The following MAP3K5 variants were observed in gnomAD, a reference collection of about 807,000 sequenced individuals.
The protein encoded by MAP3K5 is ASK-1.
In MAP3K5, 56 loss-of-function variants were observed where a neutral mutation model predicts 158.7. That is an observed-to-expected ratio of 0.35 (90% CI 0.28 to 0.44). The LOEUF (loss-of-function observed/expected upper bound fraction) is 0.44. Ranked by LOEUF, MAP3K5 falls within the 20% of genes least tolerant of loss-of-function variation. MAP3K5 has a pLI of 1.00. For synonymous variants in MAP3K5, 579 were observed against 601.7 expected, an observed-to-expected ratio of 0.96 and a Z score of 0.55; for missense variants, 1,294 against 1,674.8, an observed-to-expected ratio of 0.77 and a Z score of 3.97.
At chr6:136,719,021 G>C (rs1001122150) in intron 2 of MAP3K5, among the ~76,000 whole-genome samples, 1 of 151,896 alleles carries the variant, frequency 6.6e-6, no homozygotes, top group African/African-American at 2.4e-5. Flanking sequence ...ACAAAAAAGA[G>C]AAAAATTAGC....
chr6:136,671,903 G>C (rs1779500681), intron 7 of MAP3K5, among the ~76,000 whole-genome samples: 1 of 151,900 alleles, frequency 6.6e-6, no homozygotes, highest in East Asian at 1.9e-4. Context: ...TGGGATTACA[G>C]GTGTAAGCCA....
intron 1 of MAP3K5, among the ~76,000 whole-genome samples, chr6:136,768,485 C>T (rs985390364): frequency 8.5e-5 from 13 of 152,272 alleles, no homozygotes; most frequent in African/African-American, 3.1e-4. Flanking sequence ...AAATCAAAAC[C>T]ACAGTAAGGT....
Position 136,601,942 on chromosome 6 carries a change from G to C in MAP3K5, c.2717C>G (p.Ser906Cys). Residue 906 changes from serine (S) to cysteine (C), a missense_variant, in exon 20 of 30, where the codon TCC becomes TGC. Around this residue, in one of 5 missense-constraint regions of MAP3K5, gnomAD observed 362 missense variants for 463.2 expected, o/e 0.78. Coordinates refer to ENST00000359015, the MANE Select transcript of MAP3K5 (RefSeq NM_005923.4). ...GAATGCCTTGGCCTCTGCAGACATG[G>C]ACTCTGGGATCTCAGGGTGGACTTT... Reference protein sequence around the residue: ...MFKVHPEIPESMSAEAKAFIL... With the variant: ...MFKVHPEIPECMSAEAKAFIL... 1 of 1,614,122 alleles carries C rather than the reference G, an allele frequency of 6.2e-7. No homozygotes were observed. Among genetic ancestry groups the C allele is most frequent in the Non-Finnish European group, 8.5e-7 (1 of 1,180,008 alleles).
At chr6:136,586,666 C>A (rs971623245) in intron 23 of MAP3K5, among the ~76,000 whole-genome samples, 1 of 152,042 alleles carries the variant, frequency 6.6e-6, no homozygotes, top group African/African-American at 2.4e-5. Flanking sequence ...TTGATTGGAT[C>A]GAAGGATACA....
intron 1 of MAP3K5, among the ~76,000 whole-genome samples, chr6:136,785,987 T>C (rs1300362543): frequency 6.6e-6 from 1 of 152,194 alleles, no homozygotes; most frequent in African/African-American, 2.4e-5. Context: ...GCAAGAACCT[T>C]CAAACATTTA....
At chr6:136,749,295 C>T (rs1452140989) in intron 1 of MAP3K5, among the ~76,000 whole-genome samples, 2 of 151,708 alleles carry the variant, frequency 1.3e-5, no homozygotes, top group Non-Finnish European at 2.9e-5. Context: ...ATCGCTTGAA[C>T]CTGAGAGGCA....
chr6:136,592,804 G>A (rs950079376), intron 21 of MAP3K5, 190 bp from the exon 22 acceptor site: 6 of 667,262 alleles, frequency 9.0e-6, no homozygotes, highest in Admixed American at 6.0e-5. Context: ...ATACAGCAGG[G>A]TAGCCAGGAA....
chr6:136,567,766 C>G lies in MAP3K5; in HGVS notation c.3626G>C (p.Arg1209Thr). Residue 1209 changes from arginine to threonine, a missense_variant, in exon 26 of 30, where the codon AGA (arginine) becomes ACA (threonine). Arg to Thr is a moderately conservative substitution (Grantham distance 71). Around this residue, in one of 5 missense-constraint regions of MAP3K5, gnomAD observed 199 missense variants for 220.3 expected, o/e 0.90. Coordinates refer to ENST00000359015, the MANE Select transcript of MAP3K5 (RefSeq NM_005923.4). ...AGCATCTTCAATGACAGCCTGAGGTCTTCGGACAGTTTGATTTGAAGGCTG... is the reference window on the plus strand; with the variant it reads ...AGCATCTTCAATGACAGCCTGAGGTGTTCGGACAGTTTGATTTGAAGGCTG... ...EEQPSNQTVR[R>T]PQAVIEDAVA... 6.2e-7 allele frequency: 1 copy of G among 1,614,094 alleles called. No individual in the cohort carries two copies. The highest frequency in any genetic ancestry group is 2.2e-5 in the East Asian group (1 of 44,882).
At chr6:136,581,356 G>C (rs9376206) in intron 24 of MAP3K5, among the ~76,000 whole-genome samples, 5,357 of 152,100 alleles carry the variant, frequency 0.035, 268 homozygotes, top group East Asian at 0.21. Context: ...CATTACCTTT[G>C]TAAAAACAAG....
intron 4 of MAP3K5, 65 bp downstream of exon 4, chr6:136,698,424 A>G (rs1223996299): frequency 3.4e-5 from 48 of 1,391,590 alleles, no homozygotes; most frequent in Non-Finnish European, 4.1e-5. Flanking sequence ...GATATCATGC[A>G]CAAATAAAGA....
chr6:136,725,109 G>A (rs1781911173), intron 1 of MAP3K5, among the ~76,000 whole-genome samples: 1 of 152,174 alleles, frequency 6.6e-6, no homozygotes, highest in Non-Finnish European at 1.5e-5. Context: ...TCCATTCACA[G>A]GTTTGAGGAC....
At chr6:136,647,541 C>T (rs1372484770) in intron 11 of MAP3K5, among the ~76,000 whole-genome samples, 1 of 152,142 alleles carries the variant, frequency 6.6e-6, no homozygotes, top group East Asian at 1.9e-4. Context: ...TTCCTACCGA[C>T]ACATGTTTAA....
Position 136,656,437 on chromosome 6 carries a change from G to T in MAP3K5, c.1550C>A (p.Thr517Lys). Residue 517 changes from threonine (T) to lysine (K), a missense_variant, in exon 10 of 30, where the codon ACA (threonine) becomes AAA (lysine). This residue lies in a region of MAP3K5 where 690 missense variants were observed against 870.5 expected (regional missense o/e 0.79). Coordinates refer to ENST00000359015, the MANE Select transcript of MAP3K5 (RefSeq NM_005923.4). Reference sequence around the variant, plus strand: ...CACAAAATGCTTATATATTAAAATTGTCTCTACAATAGACTTGAGGTACCT... The same window carrying T: ...CACAAAATGCTTATATATTAAAATTTTCTCTACAATAGACTTGAGGTACCT... ...PAWYLKSIVE[T>K]ILIYKHFVKL... 1 of 1,597,324 alleles carries T rather than the reference G, an allele frequency of 6.3e-7. No homozygotes were observed. The highest frequency in any genetic ancestry group is 8.5e-7 in the Non-Finnish European group (1 of 1,173,360).
At chr6:136,562,482 A>G in intron 27 of MAP3K5, 21 bp downstream of exon 27, 1 of 1,350,920 alleles carries the variant, frequency 7.4e-7, no homozygotes, top group Non-Finnish European at 1.0e-6. Context: ...CAGTATTACT[A>G]TAAAACTTTC....
rs138873391 is a variant in MAP3K5 at position 136,709,886 on chromosome 6, C to T, written c.589-4753G>A. 7.3e-3 allele frequency among the ~76,000 whole-genome samples: 1,107 copies of T among 152,158 alleles called. 13 individuals are homozygous for T. The highest frequency in any genetic ancestry group is 0.026 in the African/African-American group (1,068 of 41,514). On this transcript the variant is annotated intron_variant, in intron 2 of 29. Coordinates refer to ENST00000359015, the MANE Select transcript of MAP3K5 (RefSeq NM_005923.4). ...GTTCGAGGCCACAGTGAGCTATGATCGCACCACTGCACTCCAGCCTGGGTG... is the reference window on the plus strand; with the variant it reads ...GTTCGAGGCCACAGTGAGCTATGATTGCACCACTGCACTCCAGCCTGGGTG...
At chr6:136,619,729 C>T (rs1776719833) in intron 15 of MAP3K5, among the ~76,000 whole-genome samples, 1 of 152,188 alleles carries the variant, frequency 6.6e-6, no homozygotes, top group Non-Finnish European at 1.5e-5. Context: ...AAGGGAGTCC[C>T]AGCGACAGGC....
At chr6:136,571,220 T>C (rs1316145637) in intron 25 of MAP3K5, among the ~76,000 whole-genome samples, 2 of 152,228 alleles carry the variant, frequency 1.3e-5, no homozygotes, top group Non-Finnish European at 2.9e-5. Context: ...GAGAACTTTC[T>C]TTCTGTCACT....
At chr6:136,728,695 A>T (rs9376226) in intron 1 of MAP3K5, among the ~76,000 whole-genome samples, 77,906 of 152,102 alleles carry the variant, frequency 0.51, 20,430 homozygotes, top group African/African-American at 0.63. Flanking sequence ...ATTCAAACAT[A>T]AATCATTCTC....
At chr6:136,753,490 A>G (rs1372761001) in intron 1 of MAP3K5, among the ~76,000 whole-genome samples, 2 of 151,986 alleles carry the variant, frequency 1.3e-5, no homozygotes, top group Non-Finnish European at 2.9e-5. Flanking sequence ...ACATCACCAC[A>G]GATAGTATTT....
Sources: gnomAD v4.1 joint callset for allele counts (sites outside exome capture counted in the v4.1 genomes callset) on GRCh38, gnomAD v4.1.1 for gene constraint, gnomAD v4.1.1 regional missense constraint, MANE v1.5 for transcripts, NCBI Gene and HGNC (gene_info 2026-07-23, HGNC 2026-07-21) for gene names.